Variants in DMGDH observed in about 807,000 individuals in gnomAD.
The protein encoded by DMGDH is dimethylglycine dehydrogenase.
DMGDH carries 76 observed loss-of-function variants against 95.2 expected under a neutral mutation model. The ratio of observed to expected loss-of-function variants is 0.80; its 90% CI spans 0.66 to 0.97. The LOEUF (loss-of-function observed/expected upper bound fraction) is 0.97, where lower values mean the gene tolerates loss of function less well. DMGDH is among the 50% of genes least tolerant of loss of function. The pLI, the probability that DMGDH is intolerant of heterozygous loss-of-function variation, is 0.00. For missense variants in DMGDH, 987 were observed against 1,055.0 expected (o/e 0.94, Z 0.89); for synonymous variants, 345 against 377.6 (o/e 0.91, Z 1.00).
chr5:79,013,122 C>A (rs1209965084), intron 14 of DMGDH, among the ~76,000 whole-genome samples: 1 of 151,390 alleles, frequency 6.6e-6, no homozygotes, highest in Non-Finnish European at 1.5e-5. Flanking sequence ...AACTTCAGGT[C>A]ATTTCTTTGT....
chr5:79,016,963 T>C (rs1203662066), intron 14 of DMGDH, among the ~76,000 whole-genome samples: 2 of 152,142 alleles, frequency 1.3e-5, no homozygotes, highest in African/African-American at 2.4e-5. Flanking sequence ...TTTCAACAAA[T>C]GGTGCTGAAA....
At chr5:79,056,038 G>C (rs1755023086) in intron 2 of DMGDH, 130 bp from the exon 3 acceptor site, 3 of 679,598 alleles carry the variant, frequency 4.4e-6, no homozygotes, top group Non-Finnish European at 7.9e-6. Context: ...TTTGGGATGA[G>C]AACACATCAG....
intron 14 of DMGDH, 46 bp from the exon 15 acceptor site, chr5:79,005,453 G>T (rs992164265): frequency 3.1e-6 from 5 of 1,613,186 alleles, no homozygotes; most frequent in Non-Finnish European, 4.2e-6. Context: ...CTCAGACACT[G>T]TGACAAGGTT....
chr5:79,035,056 CAAAAAA>C (rs10586049), intron 7 of DMGDH, among the ~76,000 whole-genome samples: 1 of 78,346 alleles, frequency 1.3e-5, no homozygotes, highest in Non-Finnish European at 2.4e-5. Context: ...GACTCCATCT[CAAAAAA>C]AAAAAAAAAA....
rs527748575 is a variant in DMGDH, at chr5:79,061,980, A to G, written c.276+1633T>C. Among the ~76,000 whole-genome samples, 45 of 152,324 alleles carry G rather than the reference A, an allele frequency of 3.0e-4. No individual in the cohort carries two copies. In the South Asian group the frequency reaches 9.3e-3, roughly 32 times the overall value. ...CATTAAATCAGTATATAAGTGAGCA[A>G]ATAAGTAATTCAAACATTAAAGCGT... On this transcript the variant is annotated intron_variant, in intron 2 of 15. Transcript: ENST00000255189.
At chr5:79,001,231 T>C in intron 15 of DMGDH, 1 of 321,634 alleles carries the variant, frequency 3.1e-6, no homozygotes, top group Non-Finnish European at 5.7e-6. Context: ...GGCGCAATCT[T>C]GGCTCTCTGC....
chr5:79,012,671 A>G (rs551363945), intron 14 of DMGDH, among the ~76,000 whole-genome samples: 1 of 152,296 alleles, frequency 6.6e-6, no homozygotes, highest in African/African-American at 2.4e-5. Flanking sequence ...CCAAGCCTCA[A>G]CTCTTGCACT....
chr5:79,020,948 G>C, intron 14 of DMGDH: 1 of 985,322 alleles, frequency 1.0e-6, no homozygotes, highest in Non-Finnish European at 1.2e-6. Flanking sequence ...TCCATCCAAA[G>C]GCAGCTGATT....
At chr5:79,051,520 C>T (rs1283503496) in intron 4 of DMGDH, 29 bp from the exon 5 acceptor site, 2 of 1,565,724 alleles carry the variant, frequency 1.3e-6, no homozygotes, top group South Asian at 1.1e-5. Flanking sequence ...AGTCAATACT[C>T]AAATATATAT....
At chr5:79,023,221 G>A (rs1753909828) in intron 14 of DMGDH, among the ~76,000 whole-genome samples, 1 of 152,160 alleles carries the variant, frequency 6.6e-6, no homozygotes, top group African/African-American at 2.4e-5. Context: ...TCCACAGGAT[G>A]GGAAATCAGT....
chr5:79,057,507 T>C (rs1755064817), intron 2 of DMGDH, among the ~76,000 whole-genome samples: 1 of 151,796 alleles, frequency 6.6e-6, no homozygotes, highest in South Asian at 2.1e-4. Flanking sequence ...CATCTGGACA[T>C]ATCCATGGCT....
chr5:79,014,132 T>C (rs1207646168), intron 14 of DMGDH, among the ~76,000 whole-genome samples: 4 of 152,152 alleles, frequency 2.6e-5, no homozygotes, highest in South Asian at 2.1e-4. Flanking sequence ...ACAGGAACCA[T>C]AGTCACTAAA....
At chr5:79,049,224 C>T (rs1197505708) in intron 5 of DMGDH, among the ~76,000 whole-genome samples, 2 of 152,158 alleles carry the variant, frequency 1.3e-5, no homozygotes, top group Non-Finnish European at 2.9e-5. Context: ...CTTTGGAGAT[C>T]ATTCTATCTT....
At chr5:79,049,476 T>A (rs1001538791) in intron 5 of DMGDH, among the ~76,000 whole-genome samples, 1 of 152,238 alleles carries the variant, frequency 6.6e-6, no homozygotes, top group South Asian at 2.1e-4. Context: ...CAGCGATTAA[T>A]TAGCAATGTC....
rs187838696 is a variant in DMGDH, at chr5:79,054,460, T to C, written c.376-112A>G. The C allele has an allele frequency of 5.4e-5, 58 of 1,069,836 alleles. No homozygotes were observed. In the East Asian group the frequency reaches 1.4e-3, roughly 27 times the overall value. 66.3% of individuals were successfully genotyped at this position (1,069,836 alleles called of 1,614,324 possible). On this transcript the variant is annotated intron_variant, in intron 3 of 15. Coordinates refer to ENST00000255189, the MANE Select transcript of DMGDH (RefSeq NM_013391.3). ...GCTGTACAAAAAGATTTATTACGAG[T>C]GAAAGAAATAACTATTAAAATATTT...
intron 3 of DMGDH, 77 bp downstream of exon 3, chr5:79,055,733 G>C: frequency 1.1e-6 from 1 of 914,938 alleles, no homozygotes; most frequent in East Asian, 2.5e-5. Context: ...ACACAATGAT[G>C]CATCAAAATC....
intron 14 of DMGDH, among the ~76,000 whole-genome samples, chr5:79,016,387 AGC>A (rs1753735357): frequency 6.6e-6 from 1 of 152,244 alleles, no homozygotes; most frequent in Non-Finnish European, 1.5e-5. Context: ...AAGCAGATTG[AGC>A]AAAGTTCCAA....
chr5:79,065,932 T>C (rs1313033351), intron 1 of DMGDH, among the ~76,000 whole-genome samples: 2 of 152,222 alleles, frequency 1.3e-5, no homozygotes, highest in African/African-American at 4.8e-5. Flanking sequence ...TGACTATACA[T>C]ATATGTATAT....
At chr5:79,020,118 C>T (rs1753829090) in intron 14 of DMGDH, among the ~76,000 whole-genome samples, 1 of 152,122 alleles carries the variant, frequency 6.6e-6, no homozygotes. Flanking sequence ...ATATGTTCAG[C>T]CAGTTGAAAA....
Sources: allele counts gnomAD v4.1 joint callset (sites outside exome capture counted in the v4.1 genomes callset), GRCh38; gene constraint gnomAD v4.1.1; transcripts MANE v1.5; gene names NCBI Gene and HGNC (gene_info 2026-07-23, HGNC 2026-07-21).